DYSF: variants seen among roughly 807,000 people sequenced by gnomAD.
The protein encoded by DYSF is dystrophy-associated fer-1-like 1.
A neutral mutation model predicts 274.9 loss-of-function variants in DYSF; 212 were observed. The ratio of observed to expected loss-of-function variants is 0.77; its 90% CI spans 0.69 to 0.86. DYSF has a LOEUF of 0.86. Among genes scored for constraint, DYSF ranks in the 40% least tolerant of loss-of-function variants. DYSF has a pLI of 0.00. For synonymous variants in DYSF, 1,091 were observed against 1,078.7 expected, an observed-to-expected ratio of 1.01 and a Z score of -0.22; for missense variants, 2,666 against 2,783.2, an observed-to-expected ratio of 0.96 and a Z score of 0.95.
intron 14 of DYSF, 58 bp from the exon 15 acceptor site, chr2:71,534,963 G>A: frequency 1.3e-6 from 2 of 1,588,358 alleles, no homozygotes; most frequent in Non-Finnish European, 1.7e-6. Flanking sequence ...TGTGGCCCCG[G>A]GGGAGCCCAG....
chr2:71,642,941 C>G (rs1036439867), intron 41 of DYSF, among the ~76,000 whole-genome samples: 6 of 152,232 alleles, frequency 3.9e-5, no homozygotes, highest in Non-Finnish European at 5.9e-5. Context: ...AGCCTACCTT[C>G]TCATACAGAG....
At chr2:71,491,845 A>G (rs2083882583) in intron 3 of DYSF, among the ~76,000 whole-genome samples, 1 of 152,080 alleles carries the variant, frequency 6.6e-6, no homozygotes, top group Non-Finnish European at 1.5e-5. Flanking sequence ...CTATGTCTTT[A>G]CTATTGTGAA....
intron 55 of DYSF, among the ~76,000 whole-genome samples, chr2:71,685,086 C>T (rs528483285): frequency 1.3e-5 from 2 of 152,228 alleles, no homozygotes; most frequent in African/African-American, 4.8e-5. Context: ...ATCTAGGCCT[C>T]CAGGGGCCTG....
chr2:71,514,809 A>G lies in DYSF; in HGVS notation c.760-814A>G, dbSNP rs975631245. Among the ~76,000 whole-genome samples the G allele has an allele frequency of 8.5e-5, 13 of 152,262 alleles. No individual in the cohort carries two copies. The South Asian group carries it at 2.5e-3, about 29-fold the overall frequency. ...AAGACAAAATTCTAGCCCCCATACTACTATTCCCCAAACATGTTCATATTG... is the reference window on the plus strand; with the variant it reads ...AAGACAAAATTCTAGCCCCCATACTGCTATTCCCCAAACATGTTCATATTG... On this transcript the variant is annotated intron_variant, in intron 7 of 55. Transcript: ENST00000410020.
intron 30 of DYSF, among the ~76,000 whole-genome samples, chr2:71,583,353 T>G (rs2092958717): frequency 6.6e-6 from 1 of 152,154 alleles, no homozygotes; most frequent in Non-Finnish European, 1.5e-5. Context: ...GCCCATCCTG[T>G]GTAGGAGTTG....
intron 17 of DYSF, among the ~76,000 whole-genome samples, chr2:71,541,001 C>G (rs2089878707): frequency 1.3e-5 from 2 of 152,154 alleles, no homozygotes; most frequent in African/African-American, 4.8e-5. Flanking sequence ...TTTGAGTAAT[C>G]TTTTCCCTAT....
upstream of DYSF, among the ~76,000 whole-genome samples, chr2:71,465,463 T>C (rs1414418550): frequency 6.6e-6 from 1 of 151,904 alleles, no homozygotes; most frequent in Non-Finnish European, 1.5e-5. Context: ...ACAAGACATA[T>C]AGTATGATTG....
intron 30 of DYSF, among the ~76,000 whole-genome samples, chr2:71,584,455 C>T (rs1312961367): frequency 6.6e-6 from 1 of 152,152 alleles, no homozygotes; most frequent in Non-Finnish European, 1.5e-5. Flanking sequence ...TGGCCTCATC[C>T]TGGGGTGTAA....
chr2:71,473,555 G>A (rs1444120103), intron 1 of DYSF, among the ~76,000 whole-genome samples: 3 of 152,074 alleles, frequency 2.0e-5, no homozygotes, highest in Non-Finnish European at 2.9e-5. Flanking sequence ...CTGAGACACC[G>A]CAACTCCTCT....
intron 4 of DYSF, among the ~76,000 whole-genome samples, chr2:71,510,460 A>G (rs531937624): frequency 6.6e-6 from 1 of 152,316 alleles, no homozygotes; most frequent in East Asian, 1.9e-4. Flanking sequence ...AGGGAATTCA[A>G]GGGTCTCAGT....
intron 3 of DYSF, among the ~76,000 whole-genome samples, chr2:71,484,011 T>C (rs6546698): frequency 0.47 from 69,049 of 147,138 alleles, 17,708 homozygotes; most frequent in East Asian, 0.87. Context: ...ATTATCTTAT[T>C]CAGCATTTTT....
intron 41 of DYSF, among the ~76,000 whole-genome samples, chr2:71,621,938 C>T (rs967842556): frequency 5.9e-5 from 9 of 152,064 alleles, no homozygotes; most frequent in Non-Finnish European, 8.8e-5. Flanking sequence ...GGATTACAGG[C>T]GTGAGCCACC....
At chr2:71,454,124 G>A (rs184949469) in intron 1 of DYSF, 10 of 1,597,768 alleles carry the variant, frequency 6.3e-6, no homozygotes, top group African/African-American at 1.3e-5. Flanking sequence ...GGGTCGGGGT[G>A]GGGTAGAGGA....
At chr2:71,520,673 T>C in intron 11 of DYSF, 116 bp from the exon 12 acceptor site, 1 of 849,398 alleles carries the variant, frequency 1.2e-6, no homozygotes, top group Admixed American at 1.7e-5. Context: ...CCTGAGCTCA[T>C]GGCCCAGCGG....
At chr2:71,606,931 C>T (rs1403924984) in intron 36 of DYSF, among the ~76,000 whole-genome samples, 1 of 152,162 alleles carries the variant, frequency 6.6e-6, no homozygotes, top group Non-Finnish European at 1.5e-5. Flanking sequence ...CTCCCATCCA[C>T]CCACTCTTCT....
intron 1 of DYSF, among the ~76,000 whole-genome samples, chr2:71,477,677 G>A (rs1193106070): frequency 2.6e-5 from 4 of 152,346 alleles, no homozygotes; most frequent in East Asian, 1.9e-4. Context: ...AGAATCATAC[G>A]TGGGTGAAAG....
Position 71,682,519 on chromosome 2 carries a change from C to T in DYSF, c.6174-11C>T, listed in dbSNP as rs1435650068. 1 of 1,614,114 alleles carries T rather than the reference C, an allele frequency of 6.2e-7. No individual in the cohort carries two copies. Among genetic ancestry groups the T allele is most frequent in the Non-Finnish European group, 8.5e-7 (1 of 1,180,020 alleles). ...AGGATGCCCAGTTGACCTCCGGGAT[C>T]TCGCTTCCAGGCGCCCCGACACCTC... On this transcript the variant is annotated splice_polypyrimidine_tract_variant and intron_variant, in intron 54 of 55. Transcript: ENST00000410020.
chr2:71,629,809 C>T (rs2094282488), intron 41 of DYSF, among the ~76,000 whole-genome samples: 1 of 152,112 alleles, frequency 6.6e-6, no homozygotes, highest in South Asian at 2.1e-4. Context: ...GAGGGTTTCT[C>T]TGGTTGTCTA....
chr2:71,635,631 C>T (rs2094387808), intron 41 of DYSF, among the ~76,000 whole-genome samples: 1 of 151,644 alleles, frequency 6.6e-6, no homozygotes, highest in African/African-American at 2.4e-5. Flanking sequence ...CACCTGTAAT[C>T]CCAGCTACTT....
Sources: allele counts gnomAD v4.1 joint callset (sites outside exome capture counted in the v4.1 genomes callset), GRCh38; gene constraint gnomAD v4.1.1; transcripts MANE v1.5; gene names NCBI Gene and HGNC (gene_info 2026-07-23, HGNC 2026-07-21).